The following ACSBG2 variants were observed in gnomAD, a reference collection of about 807,000 sequenced individuals.
ACSBG2 encodes the protein acyl-CoA synthetase bubblegum family member 2.
ACSBG2 carries 62 observed loss-of-function variants against 74.7 expected under a neutral mutation model. The observed-to-expected ratio is 0.83, with a 90% CI of 0.68 to 1.03. The LOEUF is 1.03. Ranked by LOEUF, ACSBG2 falls within the 50% of genes least tolerant of loss-of-function variation. The pLI is 0.00. For synonymous variants in ACSBG2, 309 were observed against 294.1 expected (o/e 1.05, Z -0.52); for missense variants, 730 against 817.6 (o/e 0.89, Z 1.31).
intron 1 of ACSBG2, among the ~76,000 whole-genome samples, chr19:6,140,354 C>G (rs1432146659): frequency 1.3e-5 from 2 of 152,092 alleles, no homozygotes; most frequent in Non-Finnish European, 2.9e-5. Context: ...AGGGTAGCCC[C>G]GGAATCCTGT....
In ACSBG2 at chr19:6,165,899, C is replaced by T. The variant is rs371120842; in HGVS notation, c.622C>T (p.Pro208Ser). Reference sequence around the variant, plus strand: ...TTTCATGGAACTTGGCAGAAGTATCCCTGACACCCAACTGGAGCAGGTCAT... The same window carrying T: ...TTTCATGGAACTTGGCAGAAGTATCTCTGACACCCAACTGGAGCAGGTCAT... Reference protein sequence around the residue: ...DDFMELGRSIPDTQLEQVIES... With the variant: ...DDFMELGRSISDTQLEQVIES... The change falls in exon 7 of 15, where the codon CCT becomes TCT. Residue 208 changes from proline (P) to serine (S), a missense_variant. By Grantham distance (74) the Pro-to-Ser change is moderately conservative. Coordinates refer to ENST00000588485, the MANE Select transcript of ACSBG2 (RefSeq NM_030924.5). 2 of 1,614,008 alleles carry T rather than the reference C, an allele frequency of 1.2e-6. No individual in the cohort carries two copies. The highest frequency in any genetic ancestry group is 1.7e-5 in the Admixed American group (1 of 59,996).
chr19:6,167,123 T>A (rs1021593129), intron 7 of ACSBG2, among the ~76,000 whole-genome samples: 5 of 152,116 alleles, frequency 3.3e-5, no homozygotes, highest in African/African-American at 1.2e-4. Context: ...GGCCTGCTGG[T>A]TTTTAAATGA....
chr19:6,153,474 C>T (rs1304522184), intron 4 of ACSBG2, among the ~76,000 whole-genome samples: 1 of 151,986 alleles, frequency 6.6e-6, no homozygotes, highest in Non-Finnish European at 1.5e-5. Context: ...GAGATCTGAA[C>T]TCGTTTGTTC....
intron 3 of ACSBG2, among the ~76,000 whole-genome samples, chr19:6,151,020 A>G (rs2089219712): frequency 6.6e-6 from 1 of 151,542 alleles, no homozygotes; most frequent in African/African-American, 2.4e-5. Context: ...AGGCTGAGGC[A>G]GGAGAATCGC....
At chr19:6,161,786 C>T (rs2089631510) in intron 6 of ACSBG2, among the ~76,000 whole-genome samples, 1 of 152,042 alleles carries the variant, frequency 6.6e-6, no homozygotes, top group Non-Finnish European at 1.5e-5. Flanking sequence ...GCATTTTTCC[C>T]TTCTGGCATG....
intron 11 of ACSBG2, 148 bp downstream of exon 11, chr19:6,185,801 C>T: frequency 1.3e-6 from 1 of 766,926 alleles, no homozygotes; most frequent in Non-Finnish European, 2.1e-6. Context: ...TACAACCCAG[C>T]TCTATCCTCC....
rs769951547 is a variant in ACSBG2, at chr19:6,183,208, T to C, written c.1258T>C (p.Tyr420His). 15 of 1,614,148 alleles carry C rather than the reference T, an allele frequency of 9.3e-6. No individual in the cohort carries two copies. The Admixed American group carries it at 1.8e-4, about 20-fold the overall frequency. ...LSLDIPIGEL[Y>H]GLSESSGPHT... Reference sequence around the variant, plus strand: ...CTTGGACATACCTATAGGCGAGTTGTATGGGTTGAGTGAGAGCTCGGGACC... The same window carrying C: ...CTTGGACATACCTATAGGCGAGTTGCATGGGTTGAGTGAGAGCTCGGGACC... The change falls in exon 10 of 15, where the codon TAT becomes CAT. Residue 420 changes from tyrosine to histidine, a missense_variant. Coordinates refer to ENST00000588485, the MANE Select transcript of ACSBG2 (RefSeq NM_030924.5).
At chr19:6,187,952 G>C (rs2090457356) in intron 13 of ACSBG2, 107 bp downstream of exon 13, 2 of 1,506,256 alleles carry the variant, frequency 1.3e-6, no homozygotes, top group South Asian at 2.6e-5. Context: ...TATGAAACCA[G>C]CCAGGGACCA....
At chr19:6,148,647 G>GA (rs55936682) in intron 3 of ACSBG2, among the ~76,000 whole-genome samples, 4,030 of 145,592 alleles carry the variant, frequency 0.028, 60 homozygotes, top group South Asian at 0.055. Context: ...GTGTCATAAA[G>GA]AAAAAAAAAA....
At chr19:6,185,333 C>T (rs1351900720) in intron 10 of ACSBG2, 103 bp from the exon 11 acceptor site, 3 of 1,160,892 alleles carry the variant, frequency 2.6e-6, no homozygotes, top group African/African-American at 3.0e-5. Flanking sequence ...CCAGCCTGCT[C>T]TAGCTGAGCA....
chr19:6,186,699 C>T (rs1229205165), intron 11 of ACSBG2, among the ~76,000 whole-genome samples: 1 of 152,178 alleles, frequency 6.6e-6, no homozygotes, highest in African/African-American at 2.4e-5. Context: ...GAGTTTTCCT[C>T]TGTGCTGGTA....
chr19:6,143,658 C>A (rs1254454016), intron 2 of ACSBG2, among the ~76,000 whole-genome samples: 1 of 152,138 alleles, frequency 6.6e-6, no homozygotes, highest in Non-Finnish European at 1.5e-5. Context: ...TCTCCACTCC[C>A]CCCTGCTTCA....
At chr19:6,184,874 G>GAAAAAAAAAAAAAA (rs1305163415) in intron 10 of ACSBG2, among the ~76,000 whole-genome samples, 37 of 49,216 alleles carry the variant, frequency 7.5e-4, no homozygotes, top group Non-Finnish European at 8.9e-4. Flanking sequence ...AAAAAAAAAC[G>GAAAAAAAAAAAAAA]AAAAACAGCC....
intron 1 of ACSBG2, among the ~76,000 whole-genome samples, chr19:6,138,395 G>A (rs1402799594): frequency 2.0e-5 from 3 of 150,930 alleles, no homozygotes; most frequent in South Asian, 2.1e-4. Context: ...CCAGGCAGGC[G>A]GAGAGAGTGG....
intron 7 of ACSBG2, among the ~76,000 whole-genome samples, chr19:6,167,427 A>C (rs906183805): frequency 2.0e-5 from 3 of 152,112 alleles, no homozygotes; most frequent in Non-Finnish European, 4.4e-5. Context: ...CCCTTAATAC[A>C]CTGTCTCAGC....
chr19:6,173,421 A>C (rs1275279969), intron 7 of ACSBG2, among the ~76,000 whole-genome samples: 1 of 152,088 alleles, frequency 6.6e-6, no homozygotes, highest in Non-Finnish European at 1.5e-5. Flanking sequence ...GTCCCTGGGA[A>C]GTTCTCTAAT....
chr19:6,136,491 G>A (rs1024011257), intron 1 of ACSBG2, among the ~76,000 whole-genome samples: 1 of 151,382 alleles, frequency 6.6e-6, no homozygotes, highest in East Asian at 2.0e-4. Flanking sequence ...ACCTCTCAAA[G>A]TGCTGGGATT....
At chr19:6,165,468 G>A (rs1009315287) in intron 6 of ACSBG2, among the ~76,000 whole-genome samples, 3 of 152,208 alleles carry the variant, frequency 2.0e-5, no homozygotes, top group Non-Finnish European at 2.9e-5. Context: ...TGACTAAGAA[G>A]TAGAGTGGGG....
intron 6 of ACSBG2, 42 bp downstream of exon 6, chr19:6,161,337 G>A: frequency 6.3e-7 from 1 of 1,586,006 alleles, no homozygotes; most frequent in Non-Finnish European, 8.6e-7. Flanking sequence ...GGAGGGCGGG[G>A]CCTTGCAAGA....
Sources: gnomAD v4.1 joint callset for allele counts (sites outside exome capture counted in the v4.1 genomes callset) on GRCh38, gnomAD v4.1.1 for gene constraint, MANE v1.5 for transcripts, NCBI Gene and HGNC (gene_info 2026-07-23, HGNC 2026-07-21) for gene names.